Variants in MSI2 observed in about 807,000 individuals in gnomAD.
MSI2 encodes the protein RNA-binding protein Musashi homolog 2.
MSI2 carries 17 observed loss-of-function variants against 45.6 expected under a neutral mutation model. The ratio of observed to expected loss-of-function variants is 0.37; its 90% confidence interval spans 0.26 to 0.56. The LOEUF is 0.56. MSI2 is among the 20% of genes least tolerant of loss of function. The pLI is 0.77. For synonymous variants in MSI2, 156 were observed against 158.2 expected (o/e 0.99, Z 0.11); for missense variants, 293 against 444.2 (o/e 0.66, Z 3.06).
chr17:57,476,332 CT>C (rs1350450814), intron 6 of MSI2, among the ~76,000 whole-genome samples: 1 of 152,212 alleles, frequency 6.6e-6, no homozygotes, highest in African/African-American at 2.4e-5. Flanking sequence ...GCACCTTCCC[CT>C]GAGCCTGGAT....
chr17:57,565,975 T>C (rs189299403), intron 7 of MSI2: 5 of 152,310 alleles, frequency 3.3e-5, no homozygotes, highest in Admixed American at 2.0e-4. Flanking sequence ...CTTTTCTTCT[T>C]TGGGCCGGCT....
intron 5 of MSI2, among the ~76,000 whole-genome samples, chr17:57,332,377 A>G (rs1385253643): frequency 6.6e-6 from 1 of 152,214 alleles, no homozygotes; most frequent in Admixed American, 6.5e-5. Flanking sequence ...CTGGGGTTAC[A>G]GGCATGAGCC....
At chr17:57,359,658 A>G (rs777397239) in intron 5 of MSI2, among the ~76,000 whole-genome samples, 39 of 152,190 alleles carry the variant, frequency 2.6e-4, no homozygotes, top group Middle Eastern at 3.2e-3. Context: ...ACCCCAAACT[A>G]TAGGATCCTG....
chr17:57,632,517 C>G (rs912967607), intron 10 of MSI2: 7 of 1,067,084 alleles, frequency 6.6e-6, no homozygotes, highest in Non-Finnish European at 7.9e-6. Context: ...CCCGCCTTCC[C>G]CAGCTCGCCT....
At chr17:57,699,254 G>T in the MSI2 span, among the ~76,000 whole-genome samples, 7 of 138,120 alleles carry the variant, frequency 5.1e-5, no homozygotes, top group South Asian at 1.2e-3. Flanking sequence ...ACTCTCAAAT[G>T]ACCCTAATGA....
intron 7 of MSI2, among the ~76,000 whole-genome samples, chr17:57,567,643 T>G (rs1034193227): frequency 6.6e-6 from 1 of 152,254 alleles, no homozygotes; most frequent in African/African-American, 2.4e-5. Context: ...CCAACAGGGC[T>G]GTACCCCAAA....
intron 10 of MSI2, chr17:57,632,665 T>C (rs1598476299): frequency 9.4e-7 from 1 of 1,066,136 alleles, no homozygotes; most frequent in East Asian, 5.0e-5. Context: ...TCTTTTCCCA[T>C]GGCTTGACTT....
chr17:57,433,056 G>A (rs1271432468), intron 6 of MSI2, among the ~76,000 whole-genome samples: 4 of 152,098 alleles, frequency 2.6e-5, no homozygotes, highest in East Asian at 1.9e-4. Context: ...GTTCACGTCC[G>A]TGGGCCCTTC....
chr17:57,496,536 C>G (rs1045670107), intron 6 of MSI2, among the ~76,000 whole-genome samples: 2 of 152,230 alleles, frequency 1.3e-5, no homozygotes, highest in African/African-American at 4.8e-5. Context: ...CTAATGTGCT[C>G]TGTCAGCCAT....
intron 7 of MSI2, among the ~76,000 whole-genome samples, chr17:57,558,181 C>T (rs941390800): frequency 2.0e-5 from 3 of 152,062 alleles, no homozygotes; most frequent in Admixed American, 6.6e-5. Flanking sequence ...AATTCCACGC[C>T]GTTATGGTCT....
At chr17:57,366,288 G>A (rs1480594903) in intron 5 of MSI2, among the ~76,000 whole-genome samples, 3 of 152,190 alleles carry the variant, frequency 2.0e-5, no homozygotes, top group South Asian at 2.1e-4. Flanking sequence ...CCCCAGGTCC[G>A]AGACCACCGG....
At chr17:57,387,186 T>C (rs2083701331) in intron 5 of MSI2, among the ~76,000 whole-genome samples, 1 of 152,200 alleles carries the variant, frequency 6.6e-6, no homozygotes, top group African/African-American at 2.4e-5. Context: ...TCTTTTTCAT[T>C]GTTTGGTTGG....
chr17:57,409,847 A>T (rs2084158201), intron 6 of MSI2, among the ~76,000 whole-genome samples: 1 of 151,896 alleles, frequency 6.6e-6, no homozygotes, highest in Admixed American at 6.6e-5. Flanking sequence ...TCTCTACTAA[A>T]AATACAAAAA....
rs141396437 is a variant in MSI2 at position 57,684,650 on chromosome 17, CA to C, written c.*5144del. 0.017 allele frequency: 2,505 copies of C among 145,910 alleles called. 51 individuals carry two copies. Among genetic ancestry groups the C allele is most frequent in the African/African-American group, 0.051 (1,958 of 38,628 alleles). 9.0% of individuals were successfully genotyped at this position (145,910 alleles called of 1,614,324 possible). On this transcript the variant is annotated 3_prime_UTR_variant, in exon 14 of 14. Coordinates refer to ENST00000284073, the MANE Select transcript of MSI2 (RefSeq NM_138962.4). ...TCCAGAAATCAATGTGTTTGTCTGA[CA>C]AAAAAAAAAATAAAATAAAATAAAC...
At chr17:57,460,996 T>A (rs553811174) in intron 6 of MSI2, among the ~76,000 whole-genome samples, 1 of 152,296 alleles carries the variant, frequency 6.6e-6, no homozygotes, top group African/African-American at 2.4e-5. Flanking sequence ...TGCAGCCCTC[T>A]TTGTAGGTGC....
chr17:57,631,117 C>G (rs979205374), intron 10 of MSI2: 2 of 152,406 alleles, frequency 1.3e-5, no homozygotes, highest in African/African-American at 4.8e-5. Flanking sequence ...CCACTTCCCA[C>G]CTCCGGTCCC....
At chr17:57,419,008 T>G (rs757895802) in intron 6 of MSI2, among the ~76,000 whole-genome samples, 3 of 152,196 alleles carry the variant, frequency 2.0e-5, no homozygotes, top group Non-Finnish European at 4.4e-5. Flanking sequence ...GCTGCTTATT[T>G]CTCCATTGTG....
At position 57,676,387 on chromosome 17, in the gene MSI2, A is replaced by T. The variant is rs192219727; in HGVS notation, c.946-600A>T. The stretch of plus-strand genomic sequence containing the variant: ...ATCACTTAAGTCAGTAGTCTGATGA[A>T]TCTAATCCCTTCGGATCAACTGTGG... On this transcript the variant is annotated intron_variant, in intron 12 of 13. Coordinates refer to ENST00000284073, the MANE Select transcript of MSI2 (RefSeq NM_138962.4). Among the ~76,000 whole-genome samples the T allele has an allele frequency of 3.3e-5, 5 of 152,342 alleles. No homozygotes were observed. In the East Asian group the frequency reaches 9.6e-4, roughly 29 times the overall value.
chr17:57,499,603 C>T (rs573611926), intron 6 of MSI2, among the ~76,000 whole-genome samples: 1 of 152,284 alleles, frequency 6.6e-6, no homozygotes, highest in South Asian at 2.1e-4. Context: ...ACAAATCACC[C>T]AAAAACTTGT....
Sources: gnomAD v4.1 joint callset for allele counts (sites outside exome capture counted in the v4.1 genomes callset) on GRCh38, gnomAD v4.1.1 for gene constraint, MANE v1.5 for transcripts, NCBI Gene and HGNC (gene_info 2026-07-23, HGNC 2026-07-21) for gene names.